The following DTNA variants were observed in gnomAD, a reference collection of about 807,000 sequenced individuals.
DTNA encodes the protein dystrophin-related protein 3.
In DTNA, 43 loss-of-function variants were observed where a neutral mutation model predicts 100.7. The ratio of observed to expected loss-of-function variants is 0.43; its 90% CI spans 0.33 to 0.55. The LOEUF is 0.55. Ranked by LOEUF, DTNA falls within the 20% of genes least tolerant of loss-of-function variation. DTNA has a pLI of 0.04. For synonymous variants in DTNA, 349 were observed against 347.9 expected, an observed-to-expected ratio of 1.00 and a Z score of -0.04; for missense variants, 798 against 953.9, an observed-to-expected ratio of 0.84 and a Z score of 2.15.
intron 4 of DTNA, among the ~76,000 whole-genome samples, chr18:34,797,361 G>A (rs910224993): frequency 6.6e-6 from 1 of 152,118 alleles, no homozygotes; most frequent in African/African-American, 2.4e-5. Flanking sequence ...AATAAGACCA[G>A]GGGCTGAGAG....
At chr18:34,785,448 CCT>C (rs751346413) in intron 3 of DTNA, among the ~76,000 whole-genome samples, 53 of 152,174 alleles carry the variant, frequency 3.5e-4, no homozygotes, top group Non-Finnish European at 6.9e-4. Context: ...AATTTTAATG[CCT>C]CTCTGTTTGC....
chr18:34,549,128 C>G (rs116390537), intron 1 of DTNA, among the ~76,000 whole-genome samples: 2 of 152,048 alleles, frequency 1.3e-5, no homozygotes, highest in Non-Finnish European at 2.9e-5. Flanking sequence ...TTCTCTCTCT[C>G]TGCTCCCACT....
At chr18:34,547,194 C>T (rs1235351869) in intron 1 of DTNA, among the ~76,000 whole-genome samples, 1 of 151,970 alleles carries the variant, frequency 6.6e-6, no homozygotes, top group African/African-American at 2.4e-5. Flanking sequence ...TAAGTTTGAT[C>T]AGGCCCTCTT....
rs756539256 is a variant in DTNA, at chr18:34,877,696, A to T, written c.1904-23A>T. ...GGATAGAAGGAAGCTTTGGTTTTTT[A>T]AATTATTTCTTCTTCCCTGAAGGTT... On this transcript the variant is annotated intron_variant, in intron 18 of 22. Coordinates refer to ENST00000444659, the MANE Select transcript of DTNA (RefSeq NM_001386795.1). 5 of 1,606,566 alleles carry T rather than the reference A, an allele frequency of 3.1e-6. No homozygotes were observed. The Admixed American group carries it at 5.0e-5, about 16-fold the overall frequency.
chr18:34,793,037 T>C (rs181221083), intron 3 of DTNA, among the ~76,000 whole-genome samples: 1 of 152,256 alleles, frequency 6.6e-6, no homozygotes, highest in African/African-American at 2.4e-5. Flanking sequence ...AGAAAACTAT[T>C]GATACTTTCA....
chr18:34,820,973 A>G, intron 9 of DTNA, 58 bp downstream of exon 9: 1 of 1,613,016 alleles, frequency 6.2e-7, no homozygotes, highest in Non-Finnish European at 8.5e-7. Flanking sequence ...ACATGTCTGG[A>G]GCCACACAAA....
chr18:34,701,716 G>A (rs184005170), intron 1 of DTNA, among the ~76,000 whole-genome samples: 1 of 152,138 alleles, frequency 6.6e-6, no homozygotes, highest in African/African-American at 2.4e-5. Context: ...AAAGTAAATG[G>A]CATCTCCATT....
intron 3 of DTNA, among the ~76,000 whole-genome samples, chr18:34,786,210 T>C (rs1260073947): frequency 6.6e-6 from 1 of 152,202 alleles, no homozygotes; most frequent in Non-Finnish European, 1.5e-5. Flanking sequence ...CATTGGAACT[T>C]TGTTTGATAA....
At chr18:34,556,252 G>A (rs2046030311) in intron 1 of DTNA, among the ~76,000 whole-genome samples, 1 of 151,948 alleles carries the variant, frequency 6.6e-6, no homozygotes, top group Non-Finnish European at 1.5e-5. Context: ...TTTATTTTGA[G>A]CGTATGTGTG....
intron 1 of DTNA, among the ~76,000 whole-genome samples, chr18:34,627,560 G>T (rs1415483403): frequency 2.0e-5 from 3 of 152,136 alleles, no homozygotes; most frequent in Non-Finnish European, 4.4e-5. Context: ...AGATCATAGA[G>T]GGCCATGCTA....
At chr18:34,876,594 G>A (rs545148806) in intron 18 of DTNA, among the ~76,000 whole-genome samples, 1 of 152,192 alleles carries the variant, frequency 6.6e-6, no homozygotes, top group South Asian at 2.1e-4. Context: ...TTGCCTAGAA[G>A]ATTAAAAAAA....
At chr18:34,561,221 A>G (rs1350482454) in intron 1 of DTNA, among the ~76,000 whole-genome samples, 1 of 152,178 alleles carries the variant, frequency 6.6e-6, no homozygotes, top group Non-Finnish European at 1.5e-5. Context: ...TTTTAGCATC[A>G]CTTTCTTTCA....
At position 34,889,781 on chromosome 18, in the gene DTNA, C is replaced by G; in HGVS notation, c.*2047C>G. On this transcript the variant is annotated 3_prime_UTR_variant, in exon 23 of 23. Transcript: ENST00000444659. ...TCCAGAGAACTCACCTGACAAATGT[C>G]TCTGAGCACAGGCTGACACCAAAGT... 1.0e-6 allele frequency: 1 copy of G among 986,964 alleles called. No individual in the cohort carries two copies. The highest frequency in any genetic ancestry group is 1.2e-6 in the Non-Finnish European group (1 of 830,742). The allele number at this position is 986,964 out of a possible 1,614,324, so 61.1% of individuals were successfully genotyped here.
chr18:34,706,564 T>A (rs2082147275), upstream of DTNA, among the ~76,000 whole-genome samples: 2 of 152,152 alleles, frequency 1.3e-5, no homozygotes, highest in African/African-American at 4.8e-5. Context: ...GGCAAAATGA[T>A]TCAGAGTTCA....
chr18:34,623,486 C>T (rs1025969608), intron 1 of DTNA, among the ~76,000 whole-genome samples: 1 of 152,152 alleles, frequency 6.6e-6, no homozygotes, highest in African/African-American at 2.4e-5. Flanking sequence ...GGAACCTTTG[C>T]TTCTCTATTT....
At chr18:34,695,111 T>A (rs1255242906) in intron 1 of DTNA, among the ~76,000 whole-genome samples, 3 of 152,086 alleles carry the variant, frequency 2.0e-5, no homozygotes, top group Admixed American at 2.0e-4. Flanking sequence ...ACCTTCCCAT[T>A]CTCTCCTGGA....
chr18:34,870,619 C>T (rs2096755960), intron 17 of DTNA, among the ~76,000 whole-genome samples: 1 of 152,158 alleles, frequency 6.6e-6, no homozygotes, highest in Non-Finnish European at 1.5e-5. Context: ...AGATGACTCT[C>T]TGGTTCACAA....
intron 1 of DTNA, among the ~76,000 whole-genome samples, chr18:34,537,577 G>T (rs1054566768): frequency 7.9e-5 from 12 of 151,060 alleles, no homozygotes; most frequent in Non-Finnish European, 1.8e-4. Context: ...GTAATTATCA[G>T]AAATTCACCT....
rs939419122 is a variant in DTNA at position 34,580,592 on chromosome 18, T to G, written c.-2+87078T>G. ...ATGTATTTGGGGAAGAAATAGAAAT[T>G]TATCTTTAGGAAGACTGAGAATAGC... On this transcript the variant is annotated intron_variant, in intron 1 of 19. Coordinates refer to the DTNA transcript ENST00000283365. Among the ~76,000 whole-genome samples the G allele has an allele frequency of 9.9e-5, 15 of 152,240 alleles. No homozygotes were observed. The South Asian group carries it at 2.9e-3, about 30-fold the overall frequency.
Sources: gnomAD v4.1 joint callset for allele counts (sites outside exome capture counted in the v4.1 genomes callset) on GRCh38, gnomAD v4.1.1 for gene constraint, MANE v1.5 for transcripts, NCBI Gene and HGNC (gene_info 2026-07-23, HGNC 2026-07-21) for gene names.